The following TCERG1L variants were observed in gnomAD, a reference collection of about 807,000 sequenced individuals.
TCERG1L encodes the protein transcription elongation regulator 1 like.
In TCERG1L, 37 loss-of-function variants were observed where a neutral mutation model predicts 56.3. The ratio of observed to expected loss-of-function variants is 0.66; its 90% CI spans 0.51 to 0.87. The LOEUF is 0.87. TCERG1L is among the 40% of genes least tolerant of loss of function. The pLI, the probability that TCERG1L is intolerant of heterozygous loss-of-function variation, is 0.00. For missense variants in TCERG1L, 799 were observed against 774.2 expected, an observed-to-expected ratio of 1.03 and a Z score of -0.38; for synonymous variants, 324 against 326.3, an observed-to-expected ratio of 0.99 and a Z score of 0.08.
chr10:131,160,347 C>T (rs1845963775), intron 6 of TCERG1L, among the ~76,000 whole-genome samples: 1 of 152,112 alleles, frequency 6.6e-6, no homozygotes, highest in African/African-American at 2.4e-5. Flanking sequence ...CCTTGGCCAT[C>T]CTTCCTCTGT....
rs377650017 is a variant in TCERG1L, at chr10:131,180,064, G to A, written c.857-13179C>T. On this transcript the variant is annotated intron_variant, in intron 4 of 11. Transcript: ENST00000368642. ...GAGAAAGACAGACATGGTCTTCCTG[G>A]TCTGGCAGGCAGGTAGTGACCAACC... is the stretch of plus-strand genomic sequence containing the variant. Among the ~76,000 whole-genome samples, 6 of 152,304 alleles carry A rather than the reference G, an allele frequency of 3.9e-5. No homozygotes were observed. In the Middle Eastern group the frequency reaches 0.01, roughly 259 times the overall value.
intron 4 of TCERG1L, among the ~76,000 whole-genome samples, chr10:131,226,625 G>C (rs10829951): frequency 0.39 from 59,843 of 152,142 alleles, 11,918 homozygotes; most frequent in East Asian, 0.52. Context: ...AGAGACCGTC[G>C]GTGGAGCAGC....
intron 4 of TCERG1L, among the ~76,000 whole-genome samples, chr10:131,191,383 C>A (rs1845299346): frequency 7.0e-6 from 1 of 143,654 alleles, no homozygotes; most frequent in Non-Finnish European, 1.5e-5. Flanking sequence ...AAAAACAATT[C>A]TAAAATTCAT....
chr10:131,159,442 G>A (rs1408856530), intron 6 of TCERG1L, among the ~76,000 whole-genome samples: 1 of 152,136 alleles, frequency 6.6e-6, no homozygotes, highest in African/African-American at 2.4e-5. Flanking sequence ...AAAGTTCACG[G>A]CGGCCACAGT....
intron 4 of TCERG1L, among the ~76,000 whole-genome samples, chr10:131,168,212 C>T (rs1358994950): frequency 6.6e-6 from 1 of 152,218 alleles, no homozygotes; most frequent in African/African-American, 2.4e-5. Context: ...TGTCCTCTGG[C>T]CCCTTCAAGC....
chr10:131,148,948 C>T (rs1465829110), intron 6 of TCERG1L, among the ~76,000 whole-genome samples: 1 of 152,220 alleles, frequency 6.6e-6, no homozygotes, highest in Non-Finnish European at 1.5e-5. Flanking sequence ...CTGACCTGAA[C>T]CCCAAGTGTT....
chr10:131,264,723 A>C (rs886230447), intron 3 of TCERG1L, among the ~76,000 whole-genome samples: 3 of 152,218 alleles, frequency 2.0e-5, no homozygotes, highest in African/African-American at 7.2e-5. Flanking sequence ...GAGGTCCTCC[A>C]GGTGTCTCTG....
intron 7 of TCERG1L, among the ~76,000 whole-genome samples, chr10:131,144,186 C>T (rs1845770075): frequency 6.6e-6 from 1 of 152,036 alleles, no homozygotes; most frequent in African/African-American, 2.4e-5. Flanking sequence ...TAATGGATGT[C>T]GACTGAAATG....
At chr10:131,096,162 CG>C (rs1442252493) in intron 11 of TCERG1L, among the ~76,000 whole-genome samples, 1 of 152,114 alleles carries the variant, frequency 6.6e-6, no homozygotes, top group Admixed American at 6.5e-5. Context: ...GAGGAGGGCT[CG>C]GGAGCACAGG....
At chr10:131,272,851 A>T (rs1846353631) in intron 3 of TCERG1L, among the ~76,000 whole-genome samples, 1 of 152,206 alleles carries the variant, frequency 6.6e-6, no homozygotes, top group African/African-American at 2.4e-5. Flanking sequence ...CCTAGAGGTC[A>T]CAGAGGCTCC....
At chr10:131,248,172 C>A (rs1295245499) in intron 4 of TCERG1L, among the ~76,000 whole-genome samples, 1 of 151,260 alleles carries the variant, frequency 6.6e-6, no homozygotes, top group Non-Finnish European at 1.5e-5. Flanking sequence ...CACCCACACA[C>A]CCACATGACA....
intron 6 of TCERG1L, among the ~76,000 whole-genome samples, chr10:131,157,211 C>T (rs970079254): frequency 6.6e-6 from 1 of 152,166 alleles, no homozygotes; most frequent in African/African-American, 2.4e-5. Context: ...AGTGCACTTT[C>T]GTATCTTTCC....
chr10:131,116,459 G>A lies in TCERG1L; in HGVS notation c.1395+340C>T, dbSNP rs780149684. Among the ~76,000 whole-genome samples the A allele has an allele frequency of 4.3e-4, 65 of 152,212 alleles. 1 individual carries two copies. Among genetic ancestry groups the A allele is most frequent in the South Asian group, 2.1e-4 (1 of 4,816 alleles). On this transcript the variant is annotated intron_variant, in intron 9 of 11. Transcript: ENST00000368642. Reference sequence around the variant, plus strand: ...CACCTGCCGGCCTCTCAGGCCTCACGCCCACAGGAGAAACCACAAAGGCAC... The same window carrying A: ...CACCTGCCGGCCTCTCAGGCCTCACACCCACAGGAGAAACCACAAAGGCAC...
At chr10:131,257,137 A>T (rs972134355) in intron 4 of TCERG1L, among the ~76,000 whole-genome samples, 10 of 151,424 alleles carry the variant, frequency 6.6e-5, no homozygotes, top group Non-Finnish European at 1.5e-5. Flanking sequence ...CTCAGAAGGG[A>T]GCGCTGTCCC....
At chr10:131,192,025 A>C (rs983840908) in intron 4 of TCERG1L, among the ~76,000 whole-genome samples, 1 of 142,940 alleles carries the variant, frequency 7.0e-6, no homozygotes, top group African/African-American at 2.6e-5. Flanking sequence ...AAATAAATAA[A>C]TGCGACCTTA....
At position 131,260,802 on chromosome 10, in the gene TCERG1L, C is replaced by T. The variant is rs1846230571; in HGVS notation, c.671-358G>A. Among the ~76,000 whole-genome samples, 1 of 152,162 alleles carries T rather than the reference C, an allele frequency of 6.6e-6. No individual in the cohort carries two copies. Among genetic ancestry groups the T allele is most frequent in the Non-Finnish European group, 1.5e-5 (1 of 68,032 alleles). On this transcript the variant is annotated intron_variant, in intron 3 of 11. Transcript: ENST00000368642. The surrounding 1 kb of genome is among the most constrained non-coding windows in gnomAD (Gnocchi z 5.8). Reference sequence around the variant, plus strand: ...TAATCAGAAGTGACCATGAACAGCACTCAGTGATTTGGAGCAGAAACCGGT... The same window carrying T: ...TAATCAGAAGTGACCATGAACAGCATTCAGTGATTTGGAGCAGAAACCGGT...
At chr10:131,184,777 C>T (rs1261237166) in intron 4 of TCERG1L, among the ~76,000 whole-genome samples, 1 of 152,196 alleles carries the variant, frequency 6.6e-6, no homozygotes, top group Admixed American at 6.5e-5. Context: ...ATCAGCCTCT[C>T]GCCTCACAGA....
intron 4 of TCERG1L, among the ~76,000 whole-genome samples, chr10:131,230,497 G>A (rs547601031): frequency 2.6e-5 from 4 of 152,240 alleles, no homozygotes; most frequent in East Asian, 1.9e-4. Context: ...ACTGAGGGAC[G>A]CTGGGGAAAA....
chr10:131,123,659 C>T (rs2133395204), intron 8 of TCERG1L, among the ~76,000 whole-genome samples: 1 of 152,234 alleles, frequency 6.6e-6, no homozygotes, highest in African/African-American at 2.4e-5. Flanking sequence ...TGGCCTCCGA[C>T]TGCCCTGAGT....
Sources: gnomAD v4.1 joint callset for allele counts (sites outside exome capture counted in the v4.1 genomes callset) on GRCh38, gnomAD v4.1.1 for gene constraint, Gnocchi (gnomAD v3.1) non-coding constraint, MANE v1.5 for transcripts, NCBI Gene and HGNC (gene_info 2026-07-23, HGNC 2026-07-21) for gene names.